Variants in PRKCI observed in about 807,000 individuals in gnomAD.
The protein encoded by PRKCI is protein kinase C iota.
Under a neutral mutation model 84.0 loss-of-function variants are expected in PRKCI, and 43 were observed. The ratio of observed to expected loss-of-function variants is 0.51; its 90% confidence interval spans 0.40 to 0.66. The LOEUF (loss-of-function observed/expected upper bound fraction) is 0.66. PRKCI is among the 30% of genes least tolerant of loss of function. The probability of loss-of-function intolerance (pLI) is 0.00; values close to 1 mark genes in which losing one functional copy is unlikely to be tolerated. For synonymous variants in PRKCI, 216 were observed against 234.4 expected (o/e 0.92, Z 0.72); for missense variants, 459 against 745.6 (o/e 0.62, Z 4.48).
At chr3:170,249,977 T>C (rs1483348664) in intron 2 of PRKCI, among the ~76,000 whole-genome samples, 2 of 151,968 alleles carry the variant, frequency 1.3e-5, no homozygotes, top group Non-Finnish European at 2.9e-5. Context: ...CTTACTTTTG[T>C]AAAAATGCTA....
At chr3:170,298,837 A>C (rs934823534) in intron 16 of PRKCI, among the ~76,000 whole-genome samples, 158 bp from the exon 17 acceptor site, 1 of 152,140 alleles carries the variant, frequency 6.6e-6, no homozygotes, top group African/African-American at 2.4e-5. Flanking sequence ...CGCCATGCCC[A>C]GCTCATATTT....
At chr3:170,227,389 A>C (rs1732657950) in intron 1 of PRKCI, among the ~76,000 whole-genome samples, 1 of 152,186 alleles carries the variant, frequency 6.6e-6, no homozygotes, top group Admixed American at 6.5e-5. Flanking sequence ...AGACTTGTGG[A>C]GGGAAGGACA....
chr3:170,246,646 A>G (rs566967808), intron 2 of PRKCI, among the ~76,000 whole-genome samples: 1 of 152,052 alleles, frequency 6.6e-6, no homozygotes, highest in African/African-American at 2.4e-5. Context: ...CCCTTTAAAA[A>G]TTTTTTTATT....
intron 2 of PRKCI, among the ~76,000 whole-genome samples, chr3:170,255,319 C>T (rs1354220781): frequency 3.9e-5 from 6 of 152,108 alleles, no homozygotes; most frequent in Non-Finnish European, 7.4e-5. Flanking sequence ...CTCGGCCTCC[C>T]AAAGTGCAGG....
intron 17 of PRKCI, among the ~76,000 whole-genome samples, chr3:170,299,381 C>T (rs889818135): frequency 6.6e-6 from 1 of 152,208 alleles, no homozygotes; most frequent in African/African-American, 2.4e-5. Context: ...GCGCGTGCCG[C>T]CACGCCCAGC....
intron 14 of PRKCI, 80 bp from the exon 15 acceptor site, chr3:170,295,831 C>T: frequency 1.2e-6 from 1 of 823,512 alleles, no homozygotes. Flanking sequence ...GGCAACAGAA[C>T]AAGCCCCTTT....
At chr3:170,238,499 T>A in intron 2 of PRKCI, among the ~76,000 whole-genome samples, 1 of 151,972 alleles carries the variant, frequency 6.6e-6, no homozygotes, top group East Asian at 1.9e-4. Context: ...GTATTACATA[T>A]TATAGATGTT....
At chr3:170,250,957 A>G (rs533701537) in intron 2 of PRKCI, among the ~76,000 whole-genome samples, 11 of 152,206 alleles carry the variant, frequency 7.2e-5, no homozygotes, top group Admixed American at 2.6e-4. Context: ...TTAAAATATC[A>G]ATACTAAGAC....
At chr3:170,239,724 C>G (rs1733072370) in intron 2 of PRKCI, among the ~76,000 whole-genome samples, 1 of 150,150 alleles carries the variant, frequency 6.7e-6, no homozygotes, top group Non-Finnish European at 1.5e-5. Flanking sequence ...CCTGTTTTTT[C>G]TCTTGTATGG....
intron 3 of PRKCI, among the ~76,000 whole-genome samples, chr3:170,261,127 ATTTTTTTT>A (rs982994574): frequency 3.7e-5 from 5 of 134,624 alleles, no homozygotes; most frequent in African/African-American, 5.6e-5. Context: ...TGACTGGCTA[ATTTTTTTT>A]TTTTTTTTTT....
rs9833551 is a variant in PRKCI, at chr3:170,238,611, T to G, written c.223+3260T>G. 9.4e-3 allele frequency among the ~76,000 whole-genome samples: 1,415 copies of G among 150,410 alleles called. 19 individuals carry two copies. Among genetic ancestry groups the G allele is most frequent in the African/African-American group, 0.033 (1,342 of 41,014 alleles). ...TTTCTTTTCTTTTTTTTTTTTTTTT[T>G]GAGACAGTCTCACTCTGTTGCCCAG... On this transcript the variant is annotated intron_variant, in intron 2 of 17. Coordinates refer to ENST00000295797, the MANE Select transcript of PRKCI (RefSeq NM_002740.6).
chr3:170,271,230 A>G (rs1392279116), intron 6 of PRKCI, among the ~76,000 whole-genome samples: 1 of 152,174 alleles, frequency 6.6e-6, no homozygotes, highest in Non-Finnish European at 1.5e-5. Context: ...GTGGAACACT[A>G]TAATGAACTC....
At position 170,299,022 on chromosome 3, in the gene PRKCI, T is replaced by C. The variant is rs750120400; in HGVS notation, c.1615T>C (p.Phe539Leu). Residue 539 changes from phenylalanine (F) to leucine (L), a missense_variant, in exon 17 of 18, where the codon TTT becomes CTT. Physicochemically the swap from Phe to Leu is conservative, Grantham distance 22. Around this residue, in one of 2 missense-constraint regions of PRKCI, gnomAD observed 209 missense variants for 425.9 expected, o/e 0.49. Transcript: ENST00000295797. ...MMEQKQVVPP[F>L]KPNISGEFGL... is the part of the protein sequence containing the mutation. ...GGAGCAAAAACAGGTGGTACCTCCC[T>C]TTAAACCAAATATTTCTGGGGAATT... 5.8e-5 allele frequency: 94 copies of C among 1,613,068 alleles called. No homozygotes were observed. Among genetic ancestry groups the C allele is most frequent in the Non-Finnish European group, 7.8e-5 (92 of 1,179,726 alleles).
chr3:170,245,275 C>G (rs561230117), intron 2 of PRKCI, among the ~76,000 whole-genome samples: 3 of 152,164 alleles, frequency 2.0e-5, no homozygotes, highest in South Asian at 2.1e-4. Context: ...CCACTACTTG[C>G]AATTAGCATC....
At chr3:170,261,292 T>A (rs1577355988) in intron 3 of PRKCI, among the ~76,000 whole-genome samples, 2 of 151,872 alleles carry the variant, frequency 1.3e-5, no homozygotes, top group South Asian at 4.2e-4. Context: ...CTGCATTTAA[T>A]TGCAATATAT....
intron 1 of PRKCI, among the ~76,000 whole-genome samples, chr3:170,232,490 A>G (rs779876041): frequency 6.6e-6 from 1 of 151,940 alleles, no homozygotes; most frequent in Non-Finnish European, 1.5e-5. Flanking sequence ...AGTCTTCATG[A>G]TAATACTCAG....
chr3:170,282,223 A>T (rs138684672), intron 11 of PRKCI, among the ~76,000 whole-genome samples: 1 of 152,238 alleles, frequency 6.6e-6, no homozygotes, highest in Non-Finnish European at 1.5e-5. Flanking sequence ...TGTGAACAGT[A>T]TTAAAAGGCA....
At chr3:170,279,119 C>T (rs995203324) in intron 8 of PRKCI, among the ~76,000 whole-genome samples, 1 of 152,188 alleles carries the variant, frequency 6.6e-6, no homozygotes, top group Admixed American at 6.5e-5. Flanking sequence ...CCTTGACCTG[C>T]CTGGCTCAGG....
intron 1 of PRKCI, among the ~76,000 whole-genome samples, chr3:170,230,572 C>T (rs981949979): frequency 1.3e-5 from 2 of 152,242 alleles, no homozygotes; most frequent in Admixed American, 1.3e-4. Context: ...TCAAGTGATT[C>T]ACCCGCTGTG....
Sources: allele counts gnomAD v4.1 joint callset (sites outside exome capture counted in the v4.1 genomes callset), GRCh38; gene constraint gnomAD v4.1.1; regional missense constraint gnomAD v4.1.1; transcripts MANE v1.5; gene names NCBI Gene and HGNC (gene_info 2026-07-23, HGNC 2026-07-21).